ITPR2: variants seen among roughly 807,000 people sequenced by gnomAD.
The protein encoded by ITPR2 is inositol 1,4,5-trisphosphate receptor type 2, also known as inositol 1,4,5-trisphosphate-gated calcium channel ITPR2.
ITPR2 carries 207 observed loss-of-function variants against 317.1 expected under a neutral mutation model. The ratio of observed to expected loss-of-function variants is 0.65; its 90% confidence interval spans 0.58 to 0.73. The LOEUF is 0.73. Ranked by LOEUF, ITPR2 falls within the 30% of genes least tolerant of loss-of-function variation. The pLI is 0.00. For missense variants in ITPR2, 2,613 were observed against 3,284.0 expected (o/e 0.80, Z 4.99); for synonymous variants, 1,156 against 1,149.1 (o/e 1.01, Z -0.12).
rs531311681 is a variant in ITPR2 at position 26,335,544 on chromosome 12, G to C, written c.*3853C>G. Among the ~76,000 whole-genome samples the C allele has an allele frequency of 2.0e-5, 3 of 152,202 alleles. No homozygotes were observed. The highest frequency in any genetic ancestry group is 2.1e-4 in the South Asian group (1 of 4,820). On this transcript the variant is annotated 3_prime_UTR_variant, in exon 57 of 57. Transcript: ENST00000381340. ...GTGGAAACACTCCAGTTCAGAGAAG[G>C]GTACCTGGATTTGTTTTCAGCTTTC...
intron 14 of ITPR2, 76 bp from the exon 15 acceptor site, chr12:26,663,922 C>T (rs1045445171): frequency 5.4e-6 from 7 of 1,301,630 alleles, no homozygotes; most frequent in South Asian, 1.5e-5. Flanking sequence ...CAAATAAGAA[C>T]ATTGATTCAA....
chr12:26,767,260 A>G (rs1264015537), intron 2 of ITPR2, among the ~76,000 whole-genome samples: 1 of 152,174 alleles, frequency 6.6e-6, no homozygotes, highest in South Asian at 2.1e-4. Context: ...AGTGTAGGCA[A>G]TATCTGGCTG....
chr12:26,790,492 T>C (rs1365539391), intron 1 of ITPR2, among the ~76,000 whole-genome samples: 1 of 151,906 alleles, frequency 6.6e-6, no homozygotes, highest in Non-Finnish European at 1.5e-5. Flanking sequence ...GCGGAGCTGT[T>C]TAAAACTACA....
chr12:26,581,867 G>A (rs1212307540), intron 32 of ITPR2, among the ~76,000 whole-genome samples: 3 of 151,966 alleles, frequency 2.0e-5, no homozygotes, highest in Admixed American at 1.3e-4. Context: ...CAAAACAAAC[G>A]ACCTCCCTCA....
At chr12:26,773,364 A>T (rs193089897) in intron 2 of ITPR2, among the ~76,000 whole-genome samples, 1 of 152,370 alleles carries the variant, frequency 6.6e-6, no homozygotes, top group African/African-American at 2.4e-5. Flanking sequence ...AAGAATTTAG[A>T]CACACAACTC....
chr12:26,368,796 C>T (rs890824336), intron 55 of ITPR2, among the ~76,000 whole-genome samples: 2 of 152,012 alleles, frequency 1.3e-5, no homozygotes, highest in African/African-American at 4.8e-5. Flanking sequence ...GATAATACAA[C>T]AATGAAAAAA....
intron 2 of ITPR2, among the ~76,000 whole-genome samples, chr12:26,772,459 TAA>T (rs2137154399): frequency 1.3e-5 from 1 of 79,650 alleles, no homozygotes; most frequent in Non-Finnish European, 2.4e-5. Flanking sequence ...ATTATATATA[TAA>T]TACATGTATT....
intron 54 of ITPR2, among the ~76,000 whole-genome samples, chr12:26,393,359 A>G (rs1331479554): frequency 2.6e-5 from 4 of 152,202 alleles, no homozygotes; most frequent in African/African-American, 4.8e-5. Flanking sequence ...AAGTTCTCCT[A>G]ACATATATGA....
chr12:26,753,250 CAGTAAAGTCCCTCTT>C (rs1218562881), intron 2 of ITPR2, among the ~76,000 whole-genome samples: 1 of 152,170 alleles, frequency 6.6e-6, no homozygotes, highest in Non-Finnish European at 1.5e-5. Context: ...AGGCCTCTCT[CAGTAAAGTCCCTCTT>C]GGTAAAGTCC....
At chr12:26,600,850 G>C (rs951396789) in intron 28 of ITPR2, among the ~76,000 whole-genome samples, 9 of 151,392 alleles carry the variant, frequency 5.9e-5, no homozygotes, top group African/African-American at 2.2e-4. Flanking sequence ...ACTCATCTCA[G>C]TTCTTCCTCT....
chr12:26,483,075 T>C (rs747175980), intron 42 of ITPR2, among the ~76,000 whole-genome samples: 2 of 152,168 alleles, frequency 1.3e-5, no homozygotes, highest in East Asian at 1.9e-4. Context: ...ACTCCCACAA[T>C]ATATCCTTGA....
chr12:26,500,674 G>A (rs1395477291), intron 37 of ITPR2, among the ~76,000 whole-genome samples: 1 of 152,204 alleles, frequency 6.6e-6, no homozygotes, highest in South Asian at 2.1e-4. Flanking sequence ...CCTGCTGATG[G>A]TTTGTGAATA....
At chr12:26,499,659 A>T (rs752737374) in intron 37 of ITPR2, among the ~76,000 whole-genome samples, 4 of 152,352 alleles carry the variant, frequency 2.6e-5, no homozygotes, top group Middle Eastern at 3.4e-3. Flanking sequence ...GATCATGGGA[A>T]CAGTCTACAA....
chr12:26,750,758 A>G (rs1949399017), intron 2 of ITPR2, among the ~76,000 whole-genome samples: 1 of 152,220 alleles, frequency 6.6e-6, no homozygotes, highest in Non-Finnish European at 1.5e-5. Flanking sequence ...CGCAGAAGAA[A>G]AGGAAGTAGG....
chr12:26,831,755 AATAT>A lies in ITPR2; in HGVS notation c.92+931_92+934del, dbSNP rs896910954. ...ATATATAAATATATATTCTACATAA[AATAT>A]ATAAATATATATTCTACATAAAATA... On this transcript the variant is annotated intron_variant, in intron 1 of 56. Transcript: ENST00000381340. The surrounding 1 kb of genome is among the most constrained non-coding windows in gnomAD (Gnocchi z 4.9). 2.5e-5 allele frequency among the ~76,000 whole-genome samples: 3 copies of A among 118,574 alleles called. No individual in the cohort carries two copies. The highest frequency in any genetic ancestry group is 5.7e-5 in the African/African-American group (2 of 35,304). 77.8% of individuals were successfully genotyped at this position (118,574 alleles called of 152,430 possible). A position where few individuals can be genotyped will look rare whatever the true frequency, so the allele number is the denominator to read the frequency against.
At chr12:26,401,568 C>G (rs1940177061) in intron 52 of ITPR2, among the ~76,000 whole-genome samples, 1 of 152,156 alleles carries the variant, frequency 6.6e-6, no homozygotes, top group African/African-American at 2.4e-5. Flanking sequence ...ATATTAGAAT[C>G]AGAAATTCCT....
intron 45 of ITPR2, among the ~76,000 whole-genome samples, chr12:26,455,320 T>A (rs764720511): frequency 2.0e-4 from 29 of 144,160 alleles, no homozygotes; most frequent in Non-Finnish European, 4.0e-4. Flanking sequence ...TGTCTCTCTG[T>A]TTAACTGTCT....
intron 9 of ITPR2, among the ~76,000 whole-genome samples, chr12:26,703,024 A>C (rs1948479450): frequency 6.6e-6 from 1 of 152,202 alleles, no homozygotes; most frequent in Non-Finnish European, 1.5e-5. Context: ...CTTCACTTCC[A>C]CATAAATAAT....
At chr12:26,530,418 C>T (rs879037240) in intron 37 of ITPR2, among the ~76,000 whole-genome samples, 1 of 152,194 alleles carries the variant, frequency 6.6e-6, no homozygotes, top group African/African-American at 2.4e-5. Flanking sequence ...CAACAGTCAT[C>T]ATCTTCAGAT....
Sources: gnomAD v4.1 joint callset for allele counts (sites outside exome capture counted in the v4.1 genomes callset) on GRCh38, gnomAD v4.1.1 for gene constraint, Gnocchi (gnomAD v3.1) non-coding constraint, MANE v1.5 for transcripts, NCBI Gene and HGNC (gene_info 2026-07-23, HGNC 2026-07-21) for gene names.